TNIK: variants seen among roughly 807,000 people sequenced by gnomAD.
TNIK encodes TRAF2 and NCK-interacting protein kinase.
In TNIK, 49 loss-of-function variants were observed where a neutral mutation model predicts 191.3. The observed-to-expected ratio is 0.26, with a 90% confidence interval of 0.20 to 0.32. The LOEUF (loss-of-function observed/expected upper bound fraction) is 0.32, where lower values mean the gene tolerates loss of function less well. Among genes scored for constraint, TNIK ranks in the 10% least tolerant of loss-of-function variants. TNIK has a pLI of 1.00. For missense variants in TNIK, 1,155 were observed against 1,702.3 expected, an observed-to-expected ratio of 0.68 and a Z score of 5.66; for synonymous variants, 594 against 600.9, an observed-to-expected ratio of 0.99 and a Z score of 0.17.
chr3:171,200,492 AG>A (rs1327657810), intron 4 of TNIK, among the ~76,000 whole-genome samples: 1 of 152,110 alleles, frequency 6.6e-6, no homozygotes, highest in African/African-American at 2.4e-5. Context: ...AGTTTTTGTC[AG>A]TTGTCATGTT....
chr3:171,138,236 G>A lies in TNIK; in HGVS notation c.1563C>T (p.Tyr521=), dbSNP rs552183098. ...RPVEKKPLYH[Y]KEGMSPSEKP... ...TCTCACTAGGACTCATTCCTTCTTT[G>A]TAATGGTACAGTGGCTTCTTCTCCA... is the stretch of plus-strand genomic sequence containing the variant. The change falls in exon 15 of 33, where the codon TAC becomes TAT. Residue 521 remains tyrosine (Y), a synonymous_variant. Transcript: ENST00000436636. The A allele has an allele frequency of 1.9e-6, 3 of 1,612,972 alleles. No homozygotes were observed. In the African/African-American group the frequency reaches 4.0e-5, roughly 22 times the overall value.
At chr3:171,396,009 T>C (rs1720190529) in intron 1 of TNIK, among the ~76,000 whole-genome samples, 1 of 152,152 alleles carries the variant, frequency 6.6e-6, no homozygotes, top group Non-Finnish European at 1.5e-5. Context: ...TAGTGTATTC[T>C]CAGATATGTG....
intron 6 of TNIK, among the ~76,000 whole-genome samples, chr3:171,189,917 G>C (rs1430016835): frequency 2.6e-5 from 4 of 152,180 alleles, no homozygotes; most frequent in South Asian, 2.1e-4. Flanking sequence ...AAAAATGGAA[G>C]TCATATATTT....
At chr3:171,295,227 A>T (rs1000740528) in intron 2 of TNIK, among the ~76,000 whole-genome samples, 2 of 152,192 alleles carry the variant, frequency 1.3e-5, no homozygotes, top group African/African-American at 2.4e-5. Flanking sequence ...TAACTGCCCT[A>T]AGATTTGGGG....
chr3:171,457,853 A>T (rs1578005353), intron 1 of TNIK, among the ~76,000 whole-genome samples: 1 of 152,344 alleles, frequency 6.6e-6, no homozygotes, highest in East Asian at 1.9e-4. Flanking sequence ...GAGCAATTTC[A>T]GTGAATTGTG....
intron 3 of TNIK, among the ~76,000 whole-genome samples, chr3:171,222,544 G>A (rs1340197227): frequency 2.0e-5 from 3 of 152,008 alleles, no homozygotes; most frequent in Admixed American, 6.6e-5. Context: ...GCCTCCCTTT[G>A]GGATGAAAGA....
chr3:171,311,977 C>T (rs1030589067), intron 2 of TNIK, among the ~76,000 whole-genome samples: 3 of 151,800 alleles, frequency 2.0e-5, no homozygotes, highest in South Asian at 2.1e-4. Context: ...CATGTGACTT[C>T]GGGGGTTGGG....
At chr3:171,383,693 A>G (rs1387120180) in intron 1 of TNIK, among the ~76,000 whole-genome samples, 1 of 152,238 alleles carries the variant, frequency 6.6e-6, no homozygotes, top group African/African-American at 2.4e-5. Flanking sequence ...TATATTGCCA[A>G]AGGCAAAGAG....
intron 28 of TNIK, among the ~76,000 whole-genome samples, chr3:171,074,637 CA>C (rs1446119001): frequency 1.3e-5 from 2 of 152,088 alleles, no homozygotes; most frequent in African/African-American, 4.8e-5. Flanking sequence ...CTTATCTAAG[CA>C]CATATAGGCT....
intron 18 of TNIK, among the ~76,000 whole-genome samples, chr3:171,117,487 A>C (rs1726915298): frequency 6.6e-6 from 1 of 152,264 alleles, no homozygotes; most frequent in Non-Finnish European, 1.5e-5. Flanking sequence ...ACACTGCTTA[A>C]ATTAGTAAAT....
intron 17 of TNIK, 145 bp from the exon 18 acceptor site, chr3:171,123,847 G>A: frequency 5.6e-6 from 3 of 536,116 alleles, no homozygotes; most frequent in Non-Finnish European, 9.2e-6. Context: ...ATTCCTCGAA[G>A]AAATATTAAA....
chr3:171,393,693 G>A (rs916727633), intron 1 of TNIK, among the ~76,000 whole-genome samples: 1 of 152,156 alleles, frequency 6.6e-6, no homozygotes, highest in African/African-American at 2.4e-5. Flanking sequence ...ACCAACAGAA[G>A]GACAAGCCTT....
intron 2 of TNIK, among the ~76,000 whole-genome samples, chr3:171,350,617 A>AT (rs1178153177): frequency 1.1e-3 from 167 of 151,334 alleles, no homozygotes; most frequent in African/African-American, 3.9e-3. Flanking sequence ...AAAAAAAAAA[A>AT]ATGCCCAAAG....
intron 10 of TNIK, among the ~76,000 whole-genome samples, chr3:171,161,903 G>C (rs1734043227): frequency 6.6e-6 from 1 of 152,114 alleles, no homozygotes; most frequent in South Asian, 2.1e-4. Flanking sequence ...ATGGGCGACA[G>C]AGCGAGGCCC....
intron 12 of TNIK, among the ~76,000 whole-genome samples, chr3:171,152,922 C>G (rs1732655595): frequency 6.6e-6 from 1 of 151,906 alleles, no homozygotes; most frequent in South Asian, 2.1e-4. Flanking sequence ...CAGGCGCCTG[C>G]CACCACACCC....
chr3:171,423,133 A>C (rs1483040821), intron 1 of TNIK, among the ~76,000 whole-genome samples: 2 of 152,116 alleles, frequency 1.3e-5, no homozygotes, highest in East Asian at 3.8e-4. Context: ...ACTTCAGCAA[A>C]GTCTCAGGGT....
intron 2 of TNIK, among the ~76,000 whole-genome samples, chr3:171,283,695 G>T (rs537212963): frequency 3.9e-4 from 59 of 152,304 alleles, no homozygotes; most frequent in African/African-American, 1.3e-3. Context: ...TTCCCACCAT[G>T]CCACTAGGGT....
intron 2 of TNIK, among the ~76,000 whole-genome samples, chr3:171,301,190 G>A (rs113091442): frequency 1.2e-4 from 19 of 152,004 alleles, no homozygotes; most frequent in African/African-American, 4.4e-4. Flanking sequence ...CAACAAGAAG[G>A]ATAAGCATTG....
At chr3:171,226,601 G>A (rs530974862) in intron 3 of TNIK, among the ~76,000 whole-genome samples, 1 of 152,150 alleles carries the variant, frequency 6.6e-6, no homozygotes, top group East Asian at 1.9e-4. Context: ...TTCAGTAAAG[G>A]CCAGGTGAAT....
Sources: allele counts gnomAD v4.1 joint callset (sites outside exome capture counted in the v4.1 genomes callset), GRCh38; gene constraint gnomAD v4.1.1; transcripts MANE v1.5; gene names NCBI Gene and HGNC (gene_info 2026-07-23, HGNC 2026-07-21).